The following BBC3 variants were observed in gnomAD, a reference collection of about 807,000 sequenced individuals.
BBC3 encodes the protein bcl-2-binding component 3.
A neutral mutation model predicts 18.2 loss-of-function variants in BBC3; 5 were observed. That is an observed-to-expected ratio of 0.27 (90% CI 0.14 to 0.58). The LOEUF (loss-of-function observed/expected upper bound fraction) is 0.58. BBC3 is among the 20% of genes least tolerant of loss of function. The pLI is 0.91. For synonymous variants in BBC3, 119 were observed against 128.0 expected, an observed-to-expected ratio of 0.93 and a Z score of 0.47; for missense variants, 224 against 268.9, an observed-to-expected ratio of 0.83 and a Z score of 1.17.
chr19:47,226,347 C>T (rs1298935204), intron 3 of BBC3, among the ~76,000 whole-genome samples: 1 of 151,960 alleles, frequency 6.6e-6, no homozygotes, highest in Admixed American at 6.6e-5. Flanking sequence ...TGGCCCTGGC[C>T]CTGGCTCGGG....
rs539561016 is a variant in BBC3 at position 47,229,311 on chromosome 19, CACAT to C, written c.-15-869_-15-866del. On this transcript the variant is annotated intron_variant, in intron 1 of 3. Coordinates refer to ENST00000439096, the MANE Select transcript of BBC3 (RefSeq NM_014417.5). The stretch of plus-strand genomic sequence containing the variant: ...AACACAAAACAGACACCCACGGACA[CACAT>C]ACATCAACACCCCCAAAACACACCC... Among the ~76,000 whole-genome samples the C allele has an allele frequency of 1.7e-3, 257 of 151,932 alleles. 2 individuals carry two copies. Among genetic ancestry groups the C allele is most frequent in the Admixed American group, 3.4e-3 (52 of 15,228 alleles).
Position 47,230,998 on chromosome 19 carries a change from C to A in BBC3, c.-85G>T. 1.0e-6 allele frequency: 1 copy of A among 986,144 alleles called. No individual in the cohort carries two copies. Among genetic ancestry groups the A allele is most frequent in the Non-Finnish European group, 1.2e-6 (1 of 830,038 alleles). The allele number at this position is 986,144 out of a possible 1,614,324, so 61.1% of individuals were successfully genotyped here. On this transcript the variant is annotated 5_prime_UTR_variant, in exon 1 of 4. Coordinates refer to ENST00000439096, the MANE Select transcript of BBC3 (RefSeq NM_014417.5). This position sits in a 1 kb window ranked among gnomAD's most constrained non-coding sequence, Gnocchi z 6.7. ...GCGGCTTCCTTCAGGAGGGCGCGCCCGCCGAGCGCCGCTCTCCGCGGCGGC... is the reference window on the plus strand; with the variant it reads ...GCGGCTTCCTTCAGGAGGGCGCGCCAGCCGAGCGCCGCTCTCCGCGGCGGC...
In BBC3 at chr19:47,228,047, C is replaced by G. The variant is rs908533500; in HGVS notation, c.274+111G>C. ...CATTGGCCACACCCTCCCAGTGGCC[C>G]GGCTGGGCCCGCCACCTCCCCCCGT... is the stretch of plus-strand genomic sequence containing the variant. On this transcript the variant is annotated intron_variant, in intron 2 of 3. Coordinates refer to ENST00000439096, the MANE Select transcript of BBC3 (RefSeq NM_014417.5). The surrounding 1 kb of genome is among the most constrained non-coding windows in gnomAD (Gnocchi z 5.5). 2 of 909,032 alleles carry G rather than the reference C, an allele frequency of 2.2e-6. No homozygotes were observed. Among genetic ancestry groups the G allele is most frequent in the Non-Finnish European group, 1.4e-6 (1 of 702,304 alleles). 56.3% of individuals were successfully genotyped at this position (909,032 alleles called of 1,614,324 possible).
chr19:47,223,736 T>G (rs950467592), intron 3 of BBC3, among the ~76,000 whole-genome samples: 11 of 152,132 alleles, frequency 7.2e-5, no homozygotes, highest in Non-Finnish European at 1.3e-4. Flanking sequence ...ATCGTCCTCA[T>G]GCTACCTGGT....
chr19:47,228,394 G>A lies in BBC3; in HGVS notation c.38C>T (p.Pro13Leu). Residue 13 changes from proline (P) to leucine (L), a missense_variant, in exon 2 of 4, where the codon CCC becomes CTC. Physicochemically the swap from Pro to Leu is moderately conservative, Grantham distance 98 (BLOSUM62 -3). Coordinates refer to ENST00000439096, the MANE Select transcript of BBC3 (RefSeq NM_014417.5). The surrounding 1 kb of genome is among the most constrained non-coding windows in gnomAD (Gnocchi z 5.5). ...RARQEGSSPE[P>L]VEGLARDGPR... is the part of the protein sequence containing the mutation. ...GCCGTCGCGGGCCAGGCCCTCTACG[G>A]GCTCCGGGGAGCTGCCCTCCTGGCG... 4.1e-6 allele frequency: 5 copies of A among 1,231,858 alleles called. No homozygotes were observed. Among genetic ancestry groups the A allele is most frequent in the Non-Finnish European group, 5.1e-6 (5 of 988,066 alleles). The allele number at this position is 1,231,858 out of a possible 1,614,324, so 76.3% of individuals were successfully genotyped here.
At chr19:47,225,464 C>T (rs1007326213) in intron 3 of BBC3, among the ~76,000 whole-genome samples, 1 of 151,844 alleles carries the variant, frequency 6.6e-6, no homozygotes, top group African/African-American at 2.4e-5. Flanking sequence ...TCAAGGGACC[C>T]TTTCACCTCA....
intron 3 of BBC3, among the ~76,000 whole-genome samples, chr19:47,223,270 C>CA (rs1407104038): frequency 0.011 from 1,070 of 96,288 alleles, 9 homozygotes; most frequent in Middle Eastern, 0.038. Context: ...GACTCCATCT[C>CA]AAAAAAAAAA....
chr19:47,228,995 T>TACACACACACACACACACACAC lies in BBC3; in HGVS notation c.-15-550_-15-549insGTGTGTGTGTGTGTGTGTGTGT, dbSNP rs529213576. 6.6e-6 allele frequency among the ~76,000 whole-genome samples: 1 copy of TACACACACACACACACACACAC among 151,444 alleles called. No homozygotes were observed. Among genetic ancestry groups the TACACACACACACACACACACAC allele is most frequent in the African/African-American group, 2.4e-5 (1 of 41,104 alleles). ...GGACATCACTACTCAGTACACACAA[T>TACACACACACACACACACACAC]ACACACACACCCCCGACCAAAGCAG... On this transcript the variant is annotated intron_variant, in intron 1 of 3. Coordinates refer to ENST00000439096, the MANE Select transcript of BBC3 (RefSeq NM_014417.5). This position sits in a 1 kb window ranked among gnomAD's most constrained non-coding sequence, Gnocchi z 5.5.
rs1459827073 is a variant in BBC3 at position 47,221,865 on chromosome 19, A to G, written c.519T>C (p.Asn173=). ...GTAAGGGCAGGAGTCCCATGATGAGATTGTACAGGACCCTCCAGGGTGAGG... is the reference window on the plus strand; with the variant it reads ...GTAAGGGCAGGAGTCCCATGATGAGGTTGTACAGGACCCTCCAGGGTGAGG... ...HRPSPWRVLY[N]LIMGLLPLPR... is the part of the protein sequence containing the mutation. The change falls in exon 4 of 4, where the codon AAT becomes AAC. Residue 173 remains asparagine, a synonymous_variant. Coordinates refer to ENST00000439096, the MANE Select transcript of BBC3 (RefSeq NM_014417.5). 3 of 1,613,302 alleles carry G rather than the reference A, an allele frequency of 1.9e-6. No homozygotes were observed. The highest frequency in any genetic ancestry group is 1.3e-5 in the African/African-American group (1 of 74,840).
intron 3 of BBC3, among the ~76,000 whole-genome samples, chr19:47,224,755 G>T (rs1388635399): frequency 1.4e-5 from 2 of 139,604 alleles, no homozygotes; most frequent in African/African-American, 5.4e-5. Flanking sequence ...TTTTGAGACA[G>T]AGTTTCATTC....
At position 47,230,374 on chromosome 19, in the gene BBC3, C is replaced by G. The variant is rs946815215; in HGVS notation, c.-16+555G>C. Among the ~76,000 whole-genome samples the G allele has an allele frequency of 6.6e-6, 1 of 151,740 alleles. No homozygotes were observed. Among genetic ancestry groups the G allele is most frequent in the Non-Finnish European group, 1.5e-5 (1 of 67,724 alleles). On this transcript the variant is annotated intron_variant, in intron 1 of 3. Coordinates refer to ENST00000439096, the MANE Select transcript of BBC3 (RefSeq NM_014417.5). The surrounding 1 kb of genome is among the most constrained non-coding windows in gnomAD (Gnocchi z 6.7). ...CGCACACGCGCGCTCCCACGGCGGTCCCAGACACCCCCCTCCGCTGTCACA... is the reference window on the plus strand; with the variant it reads ...CGCACACGCGCGCTCCCACGGCGGTGCCAGACACCCCCCTCCGCTGTCACA...
Position 47,229,320 on chromosome 19 carries a change from C to A in BBC3, c.-15-874G>T, listed in dbSNP as rs930262332. 2.6e-5 allele frequency among the ~76,000 whole-genome samples: 4 copies of A among 151,646 alleles called. No individual in the cohort carries two copies. The East Asian group carries it at 7.8e-4, about 29-fold the overall frequency. On this transcript the variant is annotated intron_variant, in intron 1 of 3. Coordinates refer to ENST00000439096, the MANE Select transcript of BBC3 (RefSeq NM_014417.5). Reference sequence around the variant, plus strand: ...CAGACACCCACGGACACACATACATCAACACCCCCAAAACACACCCACATG... The same window carrying A: ...CAGACACCCACGGACACACATACATAAACACCCCCAAAACACACCCACATG...
intron 3 of BBC3, among the ~76,000 whole-genome samples, 187 bp downstream of exon 3, chr19:47,226,377 G>T (rs993953781): frequency 1.1e-4 from 16 of 151,940 alleles, no homozygotes; most frequent in African/African-American, 3.6e-4. Flanking sequence ...TGCCAGCCGC[G>T]GCGCGGAGTC....
At chr19:47,232,604 C>G (rs752530319), upstream of BBC3, 8 of 1,531,444 alleles carry the variant, frequency 5.2e-6, no homozygotes, top group South Asian at 9.6e-5. Flanking sequence ...AAATTTCATC[C>G]TGTCTCATAG....
chr19:47,232,256 C>A (rs2058921816), upstream of BBC3, among the ~76,000 whole-genome samples: 1 of 152,210 alleles, frequency 6.6e-6, no homozygotes, highest in South Asian at 2.1e-4. Flanking sequence ...GAGGCTGAGG[C>A]AGGAGAACTG....
Position 47,226,964 on chromosome 19 carries a change from C to T in BBC3, c.275-210G>A, listed in dbSNP as rs1286842109. 9 of 449,574 alleles carry T rather than the reference C, an allele frequency of 2.0e-5. No individual in the cohort carries two copies. In the East Asian group the frequency reaches 3.3e-4, roughly 16 times the overall value. 27.8% of individuals were successfully genotyped at this position (449,574 alleles called of 1,614,324 possible). Reference sequence around the variant, plus strand: ...GCTCTGGGGTCACCTGTCTGGCCAGCTACGTCCCCACGGCCCTTGTCAGTG... The same window carrying T: ...GCTCTGGGGTCACCTGTCTGGCCAGTTACGTCCCCACGGCCCTTGTCAGTG... On this transcript the variant is annotated intron_variant, in intron 2 of 3. Coordinates refer to ENST00000439096, the MANE Select transcript of BBC3 (RefSeq NM_014417.5).
intron 3 of BBC3, 195 bp from the exon 4 acceptor site, chr19:47,222,113 A>G: frequency 1.9e-6 from 1 of 539,712 alleles, no homozygotes. Flanking sequence ...CAGAGGACAA[A>G]CACGGAATGC....
intron 3 of BBC3, among the ~76,000 whole-genome samples, chr19:47,223,584 T>A (rs2058776905): frequency 6.6e-6 from 1 of 152,102 alleles, no homozygotes; most frequent in Admixed American, 6.6e-5. Context: ...AAATTTTTTT[T>A]AAGTGTACAG....
At chr19:47,225,822 G>A (rs1475489057) in intron 3 of BBC3, among the ~76,000 whole-genome samples, 1 of 152,140 alleles carries the variant, frequency 6.6e-6, no homozygotes, top group Non-Finnish European at 1.5e-5. Context: ...CGGAGTAAAA[G>A]CAACACCTGC....
Sources: gnomAD v4.1 joint callset for allele counts (sites outside exome capture counted in the v4.1 genomes callset) on GRCh38, gnomAD v4.1.1 for gene constraint, Gnocchi (gnomAD v3.1) non-coding constraint, MANE v1.5 for transcripts, NCBI Gene and HGNC (gene_info 2026-07-23, HGNC 2026-07-21) for gene names.